COL4A5: variants seen among roughly 807,000 people sequenced by gnomAD.
The protein encoded by COL4A5 is collagen alpha-5(IV) chain.
In COL4A5, 26 loss-of-function variants were observed where a neutral mutation model predicts 130.2. The ratio of observed to expected loss-of-function variants is 0.20; its 90% CI spans 0.15 to 0.28. COL4A5 has a LOEUF of 0.28. Ranked by LOEUF, COL4A5 falls within the 10% of genes least tolerant of loss-of-function variation. COL4A5 has a pLI of 1.00. For synonymous variants in COL4A5, 496 were observed against 439.6 expected (o/e 1.13, Z -1.60); for missense variants, 1,131 against 1,344.3 (o/e 0.84, Z 2.48).
chrX:108,682,730 G>T (rs1403206458), intron 47 of COL4A5, among the ~76,000 whole-genome samples: 1 of 111,505 alleles, frequency 9.0e-6, no homozygotes, highest in Non-Finnish European at 1.9e-5. Context: ...CCCACTTTTT[G>T]ATGGGATTGT....
intron 36 of COL4A5, among the ~76,000 whole-genome samples, chrX:108,634,378 T>C (rs1355721608): frequency 9.0e-6 from 1 of 111,333 alleles, no homozygotes; most frequent in African/African-American, 3.3e-5. Flanking sequence ...CTTATCAACA[T>C]TAATGAGGAA....
At chrX:108,532,419 G>A (rs1339017672) in intron 1 of COL4A5, among the ~76,000 whole-genome samples, 2 of 111,254 alleles carry the variant, frequency 1.8e-5, no homozygotes, top group African/African-American at 6.5e-5. Context: ...GGCATAGAAG[G>A]AATATACCGT....
At chrX:108,672,658 T>C (rs918782108) in intron 42 of COL4A5, among the ~76,000 whole-genome samples, 10 of 112,295 alleles carry the variant, frequency 8.9e-5, no homozygotes, top group African/African-American at 3.2e-4. Context: ...TGACTTGGCA[T>C]ATAGCTCATT....
chrX:108,469,155 T>TTC (rs1332697810), intron 1 of COL4A5, among the ~76,000 whole-genome samples: 20 of 87,968 alleles, frequency 2.3e-4, no homozygotes, highest in Non-Finnish European at 3.3e-4. Context: ...TCATAGTATT[T>TTC]TCTCTCTCTC....
At chrX:108,650,147 A>G (rs1161505720) in intron 36 of COL4A5, among the ~76,000 whole-genome samples, 1 of 112,006 alleles carries the variant, frequency 8.9e-6, no homozygotes, top group Admixed American at 9.5e-5. Flanking sequence ...AGATATACAA[A>G]TGGCCAAAAA....
chrX:108,572,577 A>G (rs960690496), intron 8 of COL4A5, among the ~76,000 whole-genome samples: 4 of 111,724 alleles, frequency 3.6e-5, no homozygotes, highest in African/African-American at 1.3e-4. Context: ...GTGTGCCTGT[A>G]AAAGGCACCT....
At chrX:108,679,421 T>C (rs145340044) in intron 44 of COL4A5, among the ~76,000 whole-genome samples, 8 of 111,293 alleles carry the variant, frequency 7.2e-5, no homozygotes, top group African/African-American at 2.0e-4. Context: ...TATGCATTTC[T>C]TATCATTTTT....
At chrX:108,527,398 A>G (rs1427531924) in intron 1 of COL4A5, among the ~76,000 whole-genome samples, 2 of 112,047 alleles carry the variant, frequency 1.8e-5, no homozygotes, top group Non-Finnish European at 3.8e-5. Flanking sequence ...TTTTCTATAC[A>G]ATTACAAAGA....
intron 49 of COL4A5, chrX:108,689,528 A>G (rs1395485010): frequency 1.3e-6 from 1 of 752,442 alleles, no homozygotes; most frequent in Non-Finnish European, 1.6e-6. Context: ...TGACTCTGGT[A>G]CAGTTTAGGC....
At chrX:108,649,046 C>A (rs2067667341) in intron 36 of COL4A5, among the ~76,000 whole-genome samples, 1 of 111,818 alleles carries the variant, frequency 8.9e-6, no homozygotes, top group South Asian at 3.7e-4. Flanking sequence ...AACAAAGTTT[C>A]TGGATACAAG....
intron 1 of COL4A5, among the ~76,000 whole-genome samples, chrX:108,536,414 T>C (rs1467905455): frequency 2.7e-5 from 3 of 111,399 alleles, no homozygotes; most frequent in Non-Finnish European, 5.7e-5. Context: ...ACTCATTTAT[T>C]ACTTTCTCCC....
At chrX:108,572,551 C>A (rs2066081149) in intron 8 of COL4A5, among the ~76,000 whole-genome samples, 1 of 111,385 alleles carries the variant, frequency 9.0e-6, no homozygotes, top group African/African-American at 3.3e-5. Flanking sequence ...CATTCAATTC[C>A]ATCACTAAAC....
chrX:108,637,579 T>C (rs962773187), intron 36 of COL4A5, among the ~76,000 whole-genome samples: 1 of 110,849 alleles, frequency 9.0e-6, no homozygotes, highest in African/African-American at 3.3e-5. Context: ...GAGAGAAGAC[T>C]CAACTAAAAT....
At chrX:108,668,162 G>A (rs1050959100) in intron 40 of COL4A5, among the ~76,000 whole-genome samples, 157 bp from the exon 41 acceptor site, 1 of 111,802 alleles carries the variant, frequency 8.9e-6, no homozygotes, top group Non-Finnish European at 1.9e-5. Context: ...ATATTTAATA[G>A]GAAGGATGGT....
chrX:108,576,091 T>C, intron 10 of COL4A5, 119 bp downstream of exon 10: 1 of 507,462 alleles, frequency 2.0e-6, no homozygotes, highest in Non-Finnish European at 3.4e-6. Flanking sequence ...TAATTTATAA[T>C]TTTCTTATGT....
At chrX:108,611,795 A>G (rs901677140) in intron 29 of COL4A5, among the ~76,000 whole-genome samples, 2 of 110,796 alleles carry the variant, frequency 1.8e-5, no homozygotes, top group African/African-American at 6.5e-5. Flanking sequence ...CTTTCCAACC[A>G]TTACATGAGG....
At chrX:108,501,462 T>C (rs1172315484) in intron 1 of COL4A5, among the ~76,000 whole-genome samples, 3 of 112,102 alleles carry the variant, frequency 2.7e-5, no homozygotes, top group African/African-American at 9.7e-5. Context: ...AATTGAATAA[T>C]GTACCTTTAG....
At chrX:108,638,681 A>G (rs904978272) in intron 36 of COL4A5, among the ~76,000 whole-genome samples, 13 of 112,178 alleles carry the variant, frequency 1.2e-4, no homozygotes, top group African/African-American at 3.9e-4. Flanking sequence ...CAAAGATACC[A>G]TATATGCGGA....
rs780015519 is a variant in COL4A5, at chrX:108,681,905, T to C, written c.4216+17T>C. The C allele has an allele frequency of 1.7e-6, 2 of 1,188,938 alleles. No individual in the cohort carries two copies. The highest frequency in any genetic ancestry group is 2.3e-6 in the Non-Finnish European group (2 of 878,028). ...GCTTACCAGGTACCAATGCAGATCA[T>C]CTTTATTATCATTATTATACTTTTA... On this transcript the variant is annotated intron_variant, in intron 47 of 52. Coordinates refer to ENST00000328300, the MANE Select transcript of COL4A5 (RefSeq NM_033380.3).
Sources: allele counts gnomAD v4.1 joint callset (sites outside exome capture counted in the v4.1 genomes callset), GRCh38; gene constraint gnomAD v4.1.1; transcripts MANE v1.5; gene names NCBI Gene and HGNC (gene_info 2026-07-23, HGNC 2026-07-21).